Variants in DENND4A observed in about 807,000 individuals in gnomAD.
DENND4A encodes the protein DENN domain containing 4A, also known as C-myc promoter-binding protein.
A neutral mutation model predicts 199.3 loss-of-function variants in DENND4A; 70 were observed. The observed-to-expected ratio is 0.35, with a 90% CI of 0.29 to 0.43. DENND4A has a LOEUF of 0.43. DENND4A is among the 20% of genes least tolerant of loss of function. The pLI is 1.00. For missense variants in DENND4A, 1,723 were observed against 2,255.8 expected (o/e 0.76, Z 4.78); for synonymous variants, 686 against 766.9 (o/e 0.89, Z 1.74).
rs1555413820 is a variant in DENND4A, at chr15:65,677,947, T to TC, written c.4180-1314dup. Among the ~76,000 whole-genome samples, 7 of 148,912 alleles carry TC rather than the reference T, an allele frequency of 4.7e-5. No individual in the cohort carries two copies. The East Asian group carries it at 7.8e-4, about 17-fold the overall frequency. On this transcript the variant is annotated intron_variant, in intron 23 of 32. Transcript: ENST00000443035. ...TATCTCTTTTTTTTTTTTTTTTTTTTCAAAGAATTTTGGTCTGAAGCCCAG... is the reference window on the plus strand; with the variant it reads ...TATCTCTTTTTTTTTTTTTTTTTTTTCCAAAGAATTTTGGTCTGAAGCCCAG...
chr15:65,774,177 G>A (rs951059591), intron 1 of DENND4A, among the ~76,000 whole-genome samples: 1 of 151,932 alleles, frequency 6.6e-6, no homozygotes, highest in Non-Finnish European at 1.5e-5. Context: ...CCAACATGGT[G>A]AAACCCTGTC....
chr15:65,704,529 C>A (rs1019460239), intron 15 of DENND4A, among the ~76,000 whole-genome samples: 2 of 152,154 alleles, frequency 1.3e-5, no homozygotes, highest in Middle Eastern at 3.4e-3. Context: ...TGCAGCACCA[C>A]GCCCAGCTAT....
chr15:65,743,943 AC>A (rs2076321129), intron 4 of DENND4A, among the ~76,000 whole-genome samples: 1 of 143,026 alleles, frequency 7.0e-6, no homozygotes, highest in Non-Finnish European at 1.5e-5. Context: ...AGTGAAAGCC[AC>A]TGGAGGGTTT....
At chr15:65,767,905 T>C (rs2077026745) in intron 1 of DENND4A, among the ~76,000 whole-genome samples, 1 of 152,062 alleles carries the variant, frequency 6.6e-6, no homozygotes, top group Admixed American at 6.6e-5. Context: ...TAAAGGAGAA[T>C]AAAATAAAGC....
Position 65,715,595 on chromosome 15 carries a change from A to C in DENND4A, c.1836T>G (p.His612Gln). The change falls in exon 14 of 33, where the codon CAT (histidine) becomes CAG (glutamine). Residue 612 changes from histidine (H) to glutamine (Q), a missense_variant. Transcript: ENST00000443035. ...QAFLRSRDRS[H>Q]QKFYNMMTKT... is the part of the protein sequence containing the mutation. ...TGGTCATCATGTTATAGAATTTTTG[A>C]TGTGACCGGTCCCGGCTTCTTAAGA... is the stretch of plus-strand genomic sequence containing the variant. The C allele has an allele frequency of 2.5e-6, 4 of 1,584,126 alleles. No individual in the cohort carries two copies. Among genetic ancestry groups the C allele is most frequent in the Middle Eastern group, 1.7e-4 (1 of 6,008 alleles).
chr15:65,781,636 C>T (rs2077438956), intron 1 of DENND4A, among the ~76,000 whole-genome samples: 1 of 152,070 alleles, frequency 6.6e-6, no homozygotes, highest in African/African-American at 2.4e-5. Context: ...TCCATGATGT[C>T]TTTGAAAGAA....
chr15:65,771,358 C>G (rs1216298527), intron 1 of DENND4A: 7 of 1,589,178 alleles, frequency 4.4e-6, no homozygotes, highest in Non-Finnish European at 5.2e-6. Flanking sequence ...CCTCCACACT[C>G]TTTTCTGCCT....
intron 29 of DENND4A, 143 bp downstream of exon 29, chr15:65,667,306 G>A: frequency 9.9e-7 from 1 of 1,013,382 alleles, no homozygotes; most frequent in Non-Finnish European, 1.4e-6. Flanking sequence ...CTCCAGCCTG[G>A]CGAAAGAGTG....
chr15:65,789,403 GATAACT>G (rs1215771770), intron 1 of DENND4A, among the ~76,000 whole-genome samples: 3 of 151,590 alleles, frequency 2.0e-5, no homozygotes. Flanking sequence ...AATTCAAAGT[GATAACT>G]ATGATATACA....
chr15:65,725,984 C>T (rs755595788), intron 11 of DENND4A: 1 of 152,112 alleles, frequency 6.6e-6, no homozygotes, highest in Non-Finnish European at 1.5e-5. Context: ...TAGTCCTCCA[C>T]CGGTTTGGGA....
At chr15:65,788,854 TAAAAAAA>T (rs34831088) in intron 1 of DENND4A, among the ~76,000 whole-genome samples, 14 of 102,380 alleles carry the variant, frequency 1.4e-4, no homozygotes, top group Admixed American at 3.2e-4. Flanking sequence ...GGACTTGTCT[TAAAAAAA>T]AAAAAAAAAA....
chr15:65,674,733 T>TAAA (rs139568543), intron 24 of DENND4A, among the ~76,000 whole-genome samples: 1 of 133,554 alleles, frequency 7.5e-6, no homozygotes, highest in African/African-American at 2.8e-5. Flanking sequence ...GACCCTATCT[T>TAAA]AAAAAAAAAA....
intron 29 of DENND4A, among the ~76,000 whole-genome samples, chr15:65,665,744 CAG>C (rs1422660475): frequency 6.6e-6 from 1 of 152,186 alleles, no homozygotes; most frequent in African/African-American, 2.4e-5. Flanking sequence ...TTGAAAGTCA[CAG>C]AAAGATAAAT....
At chr15:65,682,268 G>A (rs2076604161) in intron 23 of DENND4A, among the ~76,000 whole-genome samples, 1 of 152,124 alleles carries the variant, frequency 6.6e-6, no homozygotes, top group South Asian at 2.1e-4. Flanking sequence ...CTGTTGTTTA[G>A]TATAGCCACC....
At chr15:65,756,546 GAACA>G in intron 2 of DENND4A, 74 bp from the exon 3 acceptor site, 1 of 1,148,128 alleles carries the variant, frequency 8.7e-7, no homozygotes, top group Non-Finnish European at 1.2e-6. Flanking sequence ...GTGCAAATAA[GAACA>G]AAAAACTACA....
chr15:65,740,725 C>T (rs938018581), intron 5 of DENND4A, among the ~76,000 whole-genome samples: 3 of 152,018 alleles, frequency 2.0e-5, no homozygotes, highest in East Asian at 3.9e-4. Context: ...CTTTAGGAGG[C>T]TGAGGCAAGA....
intron 20 of DENND4A, among the ~76,000 whole-genome samples, chr15:65,699,858 T>C (rs978770894): frequency 6.6e-6 from 1 of 151,600 alleles, no homozygotes; most frequent in Admixed American, 6.6e-5. Flanking sequence ...TTTTGTATTT[T>C]TGTAGAGACA....
chr15:65,701,958 A>T lies in DENND4A; in HGVS notation c.2431-68T>A, dbSNP rs182545738. On this transcript the variant is annotated intron_variant, in intron 17 of 32. Transcript: ENST00000443035. The stretch of plus-strand genomic sequence containing the variant: ...CATGTACATAAATCTAGAATAAAAT[A>T]ATGCATTTTAAACAATAATTGTGGC... 1.1e-4 allele frequency: 178 copies of T among 1,590,884 alleles called. No homozygotes were observed. The East Asian group carries it at 3.7e-3, about 33-fold the overall frequency.
At chr15:65,698,726 CTTTTTTTTTTT>C (rs71139423) in intron 20 of DENND4A, among the ~76,000 whole-genome samples, 2 of 72,746 alleles carry the variant, frequency 2.7e-5, no homozygotes, top group African/African-American at 1.2e-4. Flanking sequence ...TTAAGATAGC[CTTTTTTTTTTT>C]TTTTTTTTTT....
Sources: gnomAD v4.1 joint callset for allele counts (sites outside exome capture counted in the v4.1 genomes callset) on GRCh38, gnomAD v4.1.1 for gene constraint, MANE v1.5 for transcripts, NCBI Gene and HGNC (gene_info 2026-07-23, HGNC 2026-07-21) for gene names.